CDC5L: variants seen among roughly 807,000 people sequenced by gnomAD.
The protein encoded by CDC5L is cell division cycle 5-like protein.
In CDC5L, 18 loss-of-function variants were observed where a neutral mutation model predicts 104.1. That is an observed-to-expected ratio of 0.17 (90% confidence interval 0.12 to 0.26). The LOEUF (loss-of-function observed/expected upper bound fraction) is 0.26, where lower values mean the gene tolerates loss of function less well. CDC5L is among the 10% of genes least tolerant of loss of function. The pLI is 1.00. For missense variants in CDC5L, 673 were observed against 956.9 expected, an observed-to-expected ratio of 0.70 and a Z score of 3.91; for synonymous variants, 331 against 322.7, an observed-to-expected ratio of 1.03 and a Z score of -0.28.
At chr6:44,425,890 T>C (rs1792395162) in intron 11 of CDC5L, among the ~76,000 whole-genome samples, 1 of 151,978 alleles carries the variant, frequency 6.6e-6, no homozygotes, top group African/African-American at 2.4e-5. Context: ...AATGCTCTAG[T>C]AGACATTGGA....
chr6:44,391,094 AAT>A (rs1179112728), intron 2 of CDC5L, among the ~76,000 whole-genome samples: 44 of 135,536 alleles, frequency 3.2e-4, no homozygotes, highest in Non-Finnish European at 4.5e-4. Flanking sequence ...TTAAACATTT[AAT>A]ATGTTATATA....
chr6:44,436,549 C>G (rs1792948091), intron 14 of CDC5L, among the ~76,000 whole-genome samples: 1 of 152,058 alleles, frequency 6.6e-6, no homozygotes, highest in Non-Finnish European at 1.5e-5. Flanking sequence ...GGTGTATGGT[C>G]TTGAGAAAGT....
chr6:44,445,426 A>G (rs1046965724), intron 14 of CDC5L, among the ~76,000 whole-genome samples: 2 of 152,190 alleles, frequency 1.3e-5, no homozygotes, highest in South Asian at 4.1e-4. Flanking sequence ...TCGTGGGTCA[A>G]ATTATTATAA....
At chr6:44,396,522 TG>T (rs1790875962) in intron 5 of CDC5L, 82 bp downstream of exon 5, 3 of 836,986 alleles carry the variant, frequency 3.6e-6, no homozygotes, top group Admixed American at 2.5e-5. Flanking sequence ...ACCAGATATG[TG>T]GTTTTTTTTT....
At chr6:44,388,493 T>A (rs1790451432) in intron 1 of CDC5L, among the ~76,000 whole-genome samples, 1 of 151,030 alleles carries the variant, frequency 6.6e-6, no homozygotes, top group Non-Finnish European at 1.5e-5. Context: ...CCTAGGATAG[T>A]CTCTGTTTCC....
At chr6:44,445,920 A>G (rs745579556) in intron 15 of CDC5L, 53 bp downstream of exon 15, 63 of 1,364,274 alleles carry the variant, frequency 4.6e-5, no homozygotes, top group Admixed American at 3.3e-4. Context: ...AAGAATTATC[A>G]GGGCTGTCCT....
rs891380323 is a variant in CDC5L, at chr6:44,449,917, T to G, written c.*3206T>G. 4 of 149,862 alleles carry G rather than the reference T, an allele frequency of 2.7e-5. No individual in the cohort carries two copies. Among genetic ancestry groups the G allele is most frequent in the South Asian group, 2.1e-4 (1 of 4,754 alleles). The allele number at this position is 149,862 out of a possible 1,614,324, so 9.3% of individuals were successfully genotyped here. On this transcript the variant is annotated 3_prime_UTR_variant, in exon 16 of 16. Coordinates refer to ENST00000371477, the MANE Select transcript of CDC5L (RefSeq NM_001253.4). Reference sequence around the variant, plus strand: ...TCTTGCTCTCTCACCCAGGCTGGAGTGCAGTAGTGCAATCTTGGCCCACTG... The same window carrying G: ...TCTTGCTCTCTCACCCAGGCTGGAGGGCAGTAGTGCAATCTTGGCCCACTG...
chr6:44,396,556 A>G (rs1790879424), intron 5 of CDC5L, 116 bp downstream of exon 5: 1 of 630,280 alleles, frequency 1.6e-6, no homozygotes, highest in East Asian at 2.8e-5. Flanking sequence ...TCCACCAGCA[A>G]TCAGGCAATC....
At chr6:44,407,772 G>T (rs906031219) in intron 7 of CDC5L, among the ~76,000 whole-genome samples, 1 of 152,196 alleles carries the variant, frequency 6.6e-6, no homozygotes, top group Non-Finnish European at 1.5e-5. Context: ...AGATTCTTGG[G>T]CATAAACGAG....
intron 6 of CDC5L, 121 bp downstream of exon 6, chr6:44,404,148 A>C: frequency 1.5e-6 from 1 of 655,520 alleles, no homozygotes; most frequent in Non-Finnish European, 2.3e-6. Flanking sequence ...ATTTTTTAAA[A>C]TCAATTTTTT....
intron 3 of CDC5L, 27 bp from the exon 4 acceptor site, chr6:44,393,419 G>T: frequency 1.2e-6 from 2 of 1,608,940 alleles, no homozygotes; most frequent in South Asian, 2.2e-5. Context: ...ACTGTAGTGT[G>T]ACTAACTCCT....
At position 44,424,660 on chromosome 6, in the gene CDC5L, A is replaced by G. The variant is rs1246672715; in HGVS notation, c.1569+77A>G. The G allele has an allele frequency of 3.5e-6, 5 of 1,410,032 alleles. No homozygotes were observed. In the East Asian group the frequency reaches 6.9e-5, roughly 20 times the overall value. 87.3% of individuals were successfully genotyped at this position (1,410,032 alleles called of 1,614,324 possible). ...CTGGAAGAATGAAGAATAGCCATTAAATGTCCCAAGATCTCTACCTAGTCC... is the reference window on the plus strand; with the variant it reads ...CTGGAAGAATGAAGAATAGCCATTAGATGTCCCAAGATCTCTACCTAGTCC... On this transcript the variant is annotated intron_variant, in intron 11 of 15. Transcript: ENST00000371477.
At chr6:44,438,290 GA>G (rs1793028506) in intron 14 of CDC5L, among the ~76,000 whole-genome samples, 7 of 152,192 alleles carry the variant, frequency 4.6e-5, no homozygotes, top group Admixed American at 1.3e-4. Flanking sequence ...AATGTAACTT[GA>G]TGGATTTAGT....
intron 9 of CDC5L, among the ~76,000 whole-genome samples, chr6:44,421,060 G>T (rs1390496035): frequency 6.6e-6 from 1 of 152,112 alleles, no homozygotes; most frequent in African/African-American, 2.4e-5. Context: ...TGGAGACCCG[G>T]TCTCTCACCC....
chr6:44,390,370 T>C lies in CDC5L; in HGVS notation c.148T>C (p.Trp50Arg), dbSNP rs1790532817. ...RKSAKQCKAR[W>R]YEWLDPSIKK... ...ATCAGCAAAGCAGTGCAAAGCCAGA[T>C]GGTATGTATCAGTTTAATAAGTGGA... The change falls in exon 2 of 16, where the codon TGG becomes CGG. Residue 50 changes from tryptophan to arginine, a missense_variant and splice_region_variant. Physicochemically the swap from Trp to Arg is moderately radical, Grantham distance 101. This residue lies in a region of CDC5L where 74 missense variants were observed against 123.5 expected (regional missense o/e 0.60). Coordinates refer to ENST00000371477, the MANE Select transcript of CDC5L (RefSeq NM_001253.4). 6.3e-7 allele frequency: 1 copy of C among 1,585,046 alleles called. No homozygotes were observed.
intron 14 of CDC5L, among the ~76,000 whole-genome samples, chr6:44,439,171 A>G (rs1293208): frequency 0.31 from 46,512 of 152,104 alleles, 9,321 homozygotes; most frequent in East Asian, 0.74. Flanking sequence ...TCATCCATGT[A>G]GTAGTATATA....
chr6:44,391,275 G>A (rs931029039), intron 2 of CDC5L, among the ~76,000 whole-genome samples: 13 of 151,406 alleles, frequency 8.6e-5, no homozygotes, highest in South Asian at 2.1e-4. Flanking sequence ...TTGGGACGGA[G>A]TCTTGCTCTG....
chr6:44,388,010 T>G, intron 1 of CDC5L, 142 bp downstream of exon 1: 2 of 697,412 alleles, frequency 2.9e-6, no homozygotes, highest in Non-Finnish European at 4.8e-6. Context: ...TTGGGGCCCT[T>G]TCCGTGTGTC....
intron 8 of CDC5L, among the ~76,000 whole-genome samples, chr6:44,411,281 G>A (rs1468846253): frequency 6.6e-6 from 1 of 151,934 alleles, no homozygotes; most frequent in Admixed American, 6.6e-5. Context: ...GATCTGGCTG[G>A]GATGTTTCAC....
Sources: gnomAD v4.1 joint callset for allele counts (sites outside exome capture counted in the v4.1 genomes callset) on GRCh38, gnomAD v4.1.1 for gene constraint, gnomAD v4.1.1 regional missense constraint, MANE v1.5 for transcripts, NCBI Gene and HGNC (gene_info 2026-07-23, HGNC 2026-07-21) for gene names.